Variants in UGT2B4 observed in about 807,000 individuals in gnomAD.
The protein encoded by UGT2B4 is UDP-glucuronosyltransferase 2B4.
UGT2B4 carries 49 observed loss-of-function variants against 49.8 expected under a neutral mutation model. The observed-to-expected ratio is 0.98, with a 90% CI of 0.78 to 1.25. The LOEUF is 1.25. UGT2B4 is among the 50% of genes most tolerant of loss of function. UGT2B4 has a pLI of 0.00. For missense variants in UGT2B4, 729 were observed against 627.7 expected, an observed-to-expected ratio of 1.16 and a Z score of -1.73; for synonymous variants, 246 against 217.7, an observed-to-expected ratio of 1.13 and a Z score of -1.14.
At position 69,480,807 on chromosome 4, in the gene UGT2B4, C is replaced by T. The variant is rs747860734; in HGVS notation, c.1414G>A (p.Gly472Arg). 7 of 1,613,892 alleles carry T rather than the reference C, an allele frequency of 4.3e-6. No homozygotes were observed. The highest frequency in any genetic ancestry group is 5.9e-6 in the Non-Finnish European group (7 of 1,179,842). Residue 472 changes from glycine to arginine, a missense_variant, in exon 6 of 6, where the codon GGA becomes AGA. Gly to Arg is a moderately radical substitution (Grantham distance 125, BLOSUM62 -2). Coordinates refer to ENST00000305107, the MANE Select transcript of UGT2B4 (RefSeq NM_021139.3). ...FWIEFVMRHK[G>R]AKHLRVAAHD... ...GCTGCAACCCGAAGGTGCTTGGCTCCTTTATGGCGCATGACAAATTCAATC... is the reference window on the plus strand; with the variant it reads ...GCTGCAACCCGAAGGTGCTTGGCTCTTTTATGGCGCATGACAAATTCAATC...
At chr4:69,494,145 T>G (rs545868045) in intron 1 of UGT2B4, among the ~76,000 whole-genome samples, 1 of 152,286 alleles carries the variant, frequency 6.6e-6, no homozygotes, top group East Asian at 1.9e-4. Context: ...TTCTTTATTT[T>G]GTAAACCTTC....
chr4:69,480,932 A>G lies in UGT2B4; in HGVS notation c.1311-22T>C, dbSNP rs189560553. 3.6e-4 allele frequency: 572 copies of G among 1,608,432 alleles called. 5 individuals are homozygous for G. The Middle Eastern group carries it at 0.012, about 35-fold the overall frequency. ...ATATCTAAACGATAAGCAGAAAAGT[A>G]TCAACATTGAAAGTAAGTTAATTTG... On this transcript the variant is annotated intron_variant, in intron 5 of 5. Coordinates refer to ENST00000305107, the MANE Select transcript of UGT2B4 (RefSeq NM_021139.3).
intron 1 of UGT2B4, among the ~76,000 whole-genome samples, chr4:69,513,282 A>G (rs1004212021): frequency 2.6e-5 from 4 of 152,314 alleles, no homozygotes; most frequent in African/African-American, 9.6e-5. Flanking sequence ...GAAGGTGTCC[A>G]GTCTCAATTT....
At chr4:69,512,031 A>G (rs1356009314) in intron 1 of UGT2B4, among the ~76,000 whole-genome samples, 5 of 151,294 alleles carry the variant, frequency 3.3e-5, no homozygotes. Flanking sequence ...TTATTTGATT[A>G]TTCTATTTTT....
At chr4:69,494,260 C>A (rs1033428180) in intron 1 of UGT2B4, among the ~76,000 whole-genome samples, 1 of 152,144 alleles carries the variant, frequency 6.6e-6, no homozygotes, top group African/African-American at 2.4e-5. Context: ...ATTTCCCATT[C>A]ATTAATCTAA....
At chr4:69,507,604 C>T (rs1728507460) in intron 1 of UGT2B4, among the ~76,000 whole-genome samples, 1 of 152,014 alleles carries the variant, frequency 6.6e-6, no homozygotes, top group South Asian at 2.1e-4. Context: ...ATTCCATGCT[C>T]ATGAATAGGA....
At position 69,520,039 on chromosome 4, in the gene UGT2B4, TATA is replaced by T. The variant is rs966559821; in HGVS notation, c.-106+5645_-106+5647del. On this transcript the variant is annotated intron_variant, in intron 1 of 1. Transcript: ENST00000510114. ...AAATTTTATGTTTAGAAACTACACA[TATA>T]ATAATAGATTTTTTAAAAACTCTAC... Among the ~76,000 whole-genome samples, 14 of 152,294 alleles carry T rather than the reference TATA, an allele frequency of 9.2e-5. No homozygotes were observed. In the South Asian group the frequency reaches 1.2e-3, roughly 14 times the overall value.
intron 1 of UGT2B4, among the ~76,000 whole-genome samples, chr4:69,523,975 TTTTC>T (rs535681596): frequency 1.3e-5 from 2 of 152,138 alleles, no homozygotes; most frequent in Non-Finnish European, 2.9e-5. Context: ...TTCCAACTTT[TTTTC>T]TGCAGCTTCC....
intron 3 of UGT2B4, 77 bp from the exon 4 acceptor site, chr4:69,486,773 A>C (rs1429651867): frequency 2.7e-6 from 3 of 1,119,364 alleles, no homozygotes; most frequent in Non-Finnish European, 3.9e-6. Context: ...TAAAGAGATT[A>C]ACAATGAGAA....
intron 2 of UGT2B4, among the ~76,000 whole-genome samples, chr4:69,491,953 C>A (rs1728000219): frequency 6.6e-6 from 1 of 152,058 alleles, no homozygotes; most frequent in Admixed American, 6.6e-5. Context: ...CAAAAATTAT[C>A]TCTTAAGAGA....
At chr4:69,522,345 G>T (rs1728867663) in intron 1 of UGT2B4, among the ~76,000 whole-genome samples, 1 of 152,090 alleles carries the variant, frequency 6.6e-6, no homozygotes, top group African/African-American at 2.4e-5. Context: ...CCGTTAGGTG[G>T]GAGGTAACAA....
chr4:69,485,321 T>A lies in UGT2B4; in HGVS notation c.1197A>T (p.Gln399His). ...PMVGVPLFAD[Q>H]PDNIAHMKAK... The stretch of plus-strand genomic sequence containing the variant: ...CCTTCATGTGTGCAATGTTATCAGG[T>A]TGATCTGCAAACAATGGAACGCCCA... Residue 399 changes from glutamine to histidine, a missense_variant, in exon 5 of 6, where the codon CAA becomes CAT. Transcript: ENST00000305107. 6.2e-7 allele frequency: 1 copy of A among 1,614,050 alleles called. No homozygotes were observed. Among genetic ancestry groups the A allele is most frequent in the South Asian group, 1.1e-5 (1 of 91,082 alleles).
intron 1 of UGT2B4, among the ~76,000 whole-genome samples, chr4:69,506,894 T>G (rs1391972285): frequency 2.0e-5 from 3 of 152,086 alleles, no homozygotes; most frequent in Non-Finnish European, 4.4e-5. Flanking sequence ...GTAGGCATTA[T>G]CCCCAGGATG....
intron 4 of UGT2B4, among the ~76,000 whole-genome samples, chr4:69,485,881 C>T (rs190417347): frequency 1.2e-3 from 187 of 152,226 alleles, no homozygotes; most frequent in African/African-American, 4.3e-3. Flanking sequence ...CCTACTCAGC[C>T]TTCTGAGTAG....
At chr4:69,483,244 T>C (rs1014394461) in intron 5 of UGT2B4, among the ~76,000 whole-genome samples, 15 of 152,196 alleles carry the variant, frequency 9.9e-5, no homozygotes, top group South Asian at 2.1e-4. Context: ...CTCTTTATGA[T>C]ATTGAATCTT....
intron 1 of UGT2B4, among the ~76,000 whole-genome samples, chr4:69,501,918 C>G (rs1169835159): frequency 1.3e-5 from 2 of 152,076 alleles, no homozygotes; most frequent in Non-Finnish European, 2.9e-5. Context: ...CATGAGGGAA[C>G]TTCCTGACCC....
intron 1 of UGT2B4, among the ~76,000 whole-genome samples, chr4:69,514,647 TTATTGAAAATTTTTAATATGAA>T (rs1207852549): frequency 3.9e-5 from 6 of 152,208 alleles, no homozygotes; most frequent in Non-Finnish European, 7.3e-5. Flanking sequence ...AATATCTGCT[TTATTGAAAATTTTTAATATGAA>T]TAAGTGTTGA....
intron 4 of UGT2B4, 189 bp downstream of exon 4, chr4:69,486,420 G>A (rs1577881964): frequency 2.8e-6 from 1 of 360,328 alleles, no homozygotes; most frequent in East Asian, 5.6e-5. Context: ...TGTAAAGAAT[G>A]TGGGTGCATA....
intron 1 of UGT2B4, among the ~76,000 whole-genome samples, chr4:69,513,907 T>G (rs897647031): frequency 2.0e-5 from 3 of 152,184 alleles, no homozygotes; most frequent in African/African-American, 7.2e-5. Context: ...ATGCCAGTGA[T>G]TTTTGCATAT....
Sources: gnomAD v4.1 joint callset for allele counts (sites outside exome capture counted in the v4.1 genomes callset) on GRCh38, gnomAD v4.1.1 for gene constraint, MANE v1.5 for transcripts, NCBI Gene and HGNC (gene_info 2026-07-23, HGNC 2026-07-21) for gene names.